The following NUS1 variants were observed in gnomAD, a reference collection of about 807,000 sequenced individuals.
The protein encoded by NUS1 is dehydrodolichyl diphosphate synthase complex subunit NUS1.
For synonymous variants in NUS1, 135 were observed against 155.2 expected, an observed-to-expected ratio of 0.87 and a Z score of 0.97; for missense variants, 292 against 382.9, an observed-to-expected ratio of 0.76 and a Z score of 1.98.
chr6:117,700,645 G>T (rs1400344554), intron 3 of NUS1, among the ~76,000 whole-genome samples: 1 of 152,058 alleles, frequency 6.6e-6, no homozygotes, highest in Admixed American at 6.5e-5. Flanking sequence ...AAAAAGAAAA[G>T]AATATGAACT....
At chr6:117,704,343 G>A (rs552312992) in intron 4 of NUS1, among the ~76,000 whole-genome samples, 94 of 152,318 alleles carry the variant, frequency 6.2e-4, no homozygotes, top group African/African-American at 2.1e-3. Context: ...AGAATACATT[G>A]AAGAGAATGA....
chr6:117,698,781 G>A (rs1318575703), intron 3 of NUS1, among the ~76,000 whole-genome samples: 1 of 151,936 alleles, frequency 6.6e-6, no homozygotes, highest in Non-Finnish European at 1.5e-5. Flanking sequence ...ACAAAATAAT[G>A]GCAAACCAAA....
rs995207809 is a variant in NUS1, at chr6:117,675,527, G to A, written c.-144G>A. 9.2e-6 allele frequency: 7 copies of A among 762,752 alleles called. No homozygotes were observed. Among genetic ancestry groups the A allele is most frequent in the Admixed American group, 7.4e-5 (3 of 40,278 alleles). The allele number at this position is 762,752 out of a possible 1,614,324, so 47.2% of individuals were successfully genotyped here. ...GAAGATGGCGGCGGGGGCGAGGTGA[G>A]GTGTTGGCAGTGGAAAGGGGTTCGG... On this transcript the variant is annotated 5_prime_UTR_variant, in exon 1 of 5. Coordinates refer to ENST00000368494, the MANE Select transcript of NUS1 (RefSeq NM_138459.5).
chr6:117,699,429 C>T (rs1308250458), intron 3 of NUS1, among the ~76,000 whole-genome samples: 1 of 151,892 alleles, frequency 6.6e-6, no homozygotes, highest in Admixed American at 6.6e-5. Flanking sequence ...AGGAATTAAC[C>T]AAAGAAGTGA....
intron 1 of NUS1, among the ~76,000 whole-genome samples, chr6:117,689,165 T>G (rs1773180861): frequency 6.6e-6 from 1 of 152,108 alleles, no homozygotes; most frequent in Non-Finnish European, 1.5e-5. Context: ...GAAGGAAGCA[T>G]GGTGGTCATT....
intron 1 of NUS1, among the ~76,000 whole-genome samples, chr6:117,678,643 C>A (rs1296452204): frequency 3.3e-5 from 5 of 149,754 alleles, no homozygotes; most frequent in African/African-American, 1.2e-4. Flanking sequence ...GGAGTATAGA[C>A]ATGTAAGCTT....
chr6:117,695,650 T>C (rs1406911988), intron 3 of NUS1, among the ~76,000 whole-genome samples: 1 of 152,206 alleles, frequency 6.6e-6, no homozygotes, highest in South Asian at 2.1e-4. Flanking sequence ...TCTTAACTTA[T>C]TAATTTGACA....
chr6:117,694,981 G>A (rs1344770047), intron 3 of NUS1, among the ~76,000 whole-genome samples: 1 of 151,934 alleles, frequency 6.6e-6, no homozygotes, highest in Non-Finnish European at 1.5e-5. Context: ...GATCGCTTGA[G>A]CGCAGGAGTT....
chr6:117,701,952 T>G (rs1014375506), intron 3 of NUS1, among the ~76,000 whole-genome samples: 1 of 152,214 alleles, frequency 6.6e-6, no homozygotes, highest in African/African-American at 2.4e-5. Flanking sequence ...TTTGTAAGGC[T>G]TCCATGATTT....
intron 3 of NUS1, among the ~76,000 whole-genome samples, chr6:117,696,729 T>C (rs1016533206): frequency 2.6e-5 from 4 of 152,084 alleles, no homozygotes; most frequent in African/African-American, 9.7e-5. Context: ...AAACAAAAGC[T>C]AAGAGATTTT....
chr6:117,698,384 A>G lies in NUS1; in HGVS notation c.691+4204A>G, dbSNP rs369563389. On this transcript the variant is annotated intron_variant, in intron 3 of 4. Transcript: ENST00000368494. ...ATTCAAAGGATCATTAGTGGCTGCT[A>G]TGAGTAACTATATGCCAATAAATTG... is the stretch of plus-strand genomic sequence containing the variant. Among the ~76,000 whole-genome samples, 10 of 152,258 alleles carry G rather than the reference A, an allele frequency of 6.6e-5. No individual in the cohort carries two copies. In the East Asian group the frequency reaches 1.4e-3, roughly 21 times the overall value.
rs371371537 is a variant in NUS1 at position 117,676,120 on chromosome 6, G to C, written c.415+35G>C. 87 of 1,549,772 alleles carry C rather than the reference G, an allele frequency of 5.6e-5. No individual in the cohort carries two copies. The African/African-American group carries it at 1.1e-3, about 19-fold the overall frequency. On this transcript the variant is annotated intron_variant, in intron 1 of 4. Coordinates refer to ENST00000368494, the MANE Select transcript of NUS1 (RefSeq NM_138459.5). Reference sequence around the variant, plus strand: ...GGTGCGGTGGTGGGGGGTGGCCGAGGCGTCTTGGACCGCTAGACCGCTGGT... The same window carrying C: ...GGTGCGGTGGTGGGGGGTGGCCGAGCCGTCTTGGACCGCTAGACCGCTGGT...
At chr6:117,701,926 G>A (rs762939528) in intron 3 of NUS1, among the ~76,000 whole-genome samples, 3 of 151,982 alleles carry the variant, frequency 2.0e-5, no homozygotes, top group Non-Finnish European at 4.4e-5. Flanking sequence ...CATTGGTTAT[G>A]CTTAGATACC....
At chr6:117,690,066 A>G (rs1467909748) in intron 1 of NUS1, among the ~76,000 whole-genome samples, 1 of 152,184 alleles carries the variant, frequency 6.6e-6, no homozygotes, top group Non-Finnish European at 1.5e-5. Flanking sequence ...ATGGGGATAT[A>G]ATGATTATAT....
rs578255199 is a variant in NUS1 at position 117,709,137 on chromosome 6, A to G, written c.*2122A>G. The G allele has an allele frequency of 1.3e-5, 2 of 152,308 alleles. No homozygotes were observed. The highest frequency in any genetic ancestry group is 2.4e-5 in the African/African-American group (1 of 41,562). 9.4% of individuals were successfully genotyped at this position (152,308 alleles called of 1,614,324 possible). ...CTTTATGAGTTCACCTGCTAGTACA[A>G]TCTCCACAACTTGAATGGCATTGGT... On this transcript the variant is annotated 3_prime_UTR_variant, in exon 5 of 5. Coordinates refer to ENST00000368494, the MANE Select transcript of NUS1 (RefSeq NM_138459.5).
intron 1 of NUS1, among the ~76,000 whole-genome samples, chr6:117,682,378 T>C (rs1010338507): frequency 7.2e-5 from 11 of 152,150 alleles, no homozygotes; most frequent in African/African-American, 2.2e-4. Flanking sequence ...CATGGGAGGA[T>C]TGCTTGAGCC....
intron 1 of NUS1, among the ~76,000 whole-genome samples, chr6:117,679,122 C>T (rs1773025499): frequency 6.6e-6 from 1 of 152,162 alleles, no homozygotes; most frequent in Non-Finnish European, 1.5e-5. Flanking sequence ...AGAGTTTCCA[C>T]TCAAGTAAGG....
At position 117,693,036 on chromosome 6, in the gene NUS1, T is replaced by G. The variant is rs754507170; in HGVS notation, c.416-6T>G. 9.4e-6 allele frequency: 15 copies of G among 1,599,672 alleles called. No individual in the cohort carries two copies. In the Admixed American group the frequency reaches 2.5e-4, roughly 27 times the overall value. The stretch of plus-strand genomic sequence containing the variant: ...TGTGTTTTACTTGCCTTTTTCTTTT[T>G]TAAAGGTATTTTCAAAAGAAATAAT... On this transcript the variant is annotated splice_polypyrimidine_tract_variant and splice_region_variant and intron_variant, in intron 1 of 4. Coordinates refer to ENST00000368494, the MANE Select transcript of NUS1 (RefSeq NM_138459.5).
At chr6:117,699,196 G>C (rs1416418481) in intron 3 of NUS1, among the ~76,000 whole-genome samples, 1 of 152,034 alleles carries the variant, frequency 6.6e-6, no homozygotes, top group African/African-American at 2.4e-5. Flanking sequence ...AGATTGGAAA[G>C]GAAGAAGTCC....
Sources: allele counts gnomAD v4.1 joint callset (sites outside exome capture counted in the v4.1 genomes callset), GRCh38; gene constraint gnomAD v4.1.1; transcripts MANE v1.5; gene names NCBI Gene and HGNC (gene_info 2026-07-23, HGNC 2026-07-21).